FGF1: variants seen among roughly 807,000 people sequenced by gnomAD.
FGF1 encodes beta-endothelial cell growth factor.
Under a neutral mutation model 13.4 loss-of-function variants are expected in FGF1, and 9 were observed. The ratio of observed to expected loss-of-function variants is 0.67; its 90% confidence interval spans 0.40 to 1.17. The LOEUF (loss-of-function observed/expected upper bound fraction) is 1.17, where lower values mean the gene tolerates loss of function less well. Among genes scored for constraint, FGF1 ranks in the 50% most tolerant of loss-of-function variants. The pLI, the probability that FGF1 is intolerant of heterozygous loss-of-function variation, is 0.01. For missense variants in FGF1, 156 were observed against 192.7 expected (o/e 0.81, Z 1.13); for synonymous variants, 93 against 79.0 (o/e 1.18, Z -0.94).
At chr5:142,618,044 T>G (rs1013690842) in intron 1 of FGF1, among the ~76,000 whole-genome samples, 1 of 152,228 alleles carries the variant, frequency 6.6e-6, no homozygotes, top group Non-Finnish European at 1.5e-5. Flanking sequence ...GTTACTATTT[T>G]CTTTTTAGTG....
intron 1 of FGF1, among the ~76,000 whole-genome samples, chr5:142,648,139 A>AT (rs1487103978): frequency 6.6e-6 from 1 of 152,072 alleles, no homozygotes; most frequent in Non-Finnish European, 1.5e-5. Context: ...GGACTTAACG[A>AT]TTTTTTGGAT....
At chr5:142,623,037 T>C (rs912586943) in intron 1 of FGF1, among the ~76,000 whole-genome samples, 4 of 152,254 alleles carry the variant, frequency 2.6e-5, no homozygotes, top group African/African-American at 9.6e-5. Context: ...ACCATTAATA[T>C]CTTGAAATCA....
chr5:142,619,699 GGC>G (rs1761101818), intron 1 of FGF1, among the ~76,000 whole-genome samples: 2 of 152,084 alleles, frequency 1.3e-5, no homozygotes, highest in Non-Finnish European at 1.5e-5. Flanking sequence ...CGGGCATGGT[GGC>G]GCATGCCTGT....
intron 1 of FGF1, among the ~76,000 whole-genome samples, chr5:142,663,726 C>T (rs1354250289): frequency 6.6e-6 from 1 of 152,172 alleles, no homozygotes; most frequent in Non-Finnish European, 1.5e-5. Context: ...TTCGTTCCAC[C>T]TCTCTCGCCC....
intron 1 of FGF1, among the ~76,000 whole-genome samples, chr5:142,671,616 G>A (rs758371787): frequency 3.9e-5 from 6 of 152,172 alleles, no homozygotes; most frequent in Non-Finnish European, 8.8e-5. Context: ...CAAAAAATTA[G>A]GGGAAAGGGA....
At chr5:142,695,871 A>G (rs1215425783) in intron 2 of FGF1, among the ~76,000 whole-genome samples, 1 of 152,218 alleles carries the variant, frequency 6.6e-6, no homozygotes, top group Non-Finnish European at 1.5e-5. Flanking sequence ...TGCCATTCTG[A>G]TTCAGAGAGG....
At chr5:142,634,652 T>G (rs1237484660) in intron 1 of FGF1, among the ~76,000 whole-genome samples, 2 of 152,198 alleles carry the variant, frequency 1.3e-5, no homozygotes, top group Non-Finnish European at 2.9e-5. Flanking sequence ...AATAGTCCAG[T>G]ACGCAGCATA....
chr5:142,614,503 A>C lies in FGF1; in HGVS notation c.-34-342T>G, dbSNP rs371382760. On this transcript the variant is annotated intron_variant, in intron 1 of 3. Transcript: ENST00000337706. ...TCTGGTCCACACACATCCTCAAATTAAACACCAAAGTTGCACTAAAATAAC... is the reference window on the plus strand; with the variant it reads ...TCTGGTCCACACACATCCTCAAATTCAACACCAAAGTTGCACTAAAATAAC... Among the ~76,000 whole-genome samples the C allele has an allele frequency of 3.3e-5, 5 of 152,308 alleles. No individual in the cohort carries two copies. The East Asian group carries it at 5.8e-4, about 18-fold the overall frequency.
chr5:142,611,076 T>C (rs2282797), intron 2 of FGF1, among the ~76,000 whole-genome samples: 36,291 of 152,162 alleles, frequency 0.24, 7,411 homozygotes, highest in African/African-American at 0.56. Flanking sequence ...ACTCTGTCAC[T>C]TCAGTCTCTA....
At chr5:142,662,848 A>C (rs1305469758) in intron 1 of FGF1, among the ~76,000 whole-genome samples, 1 of 152,034 alleles carries the variant, frequency 6.6e-6, no homozygotes, top group Non-Finnish European at 1.5e-5. Context: ...TTTTTGAGAC[A>C]GCATCTCACT....
At chr5:142,614,348 C>T (rs1759747751) in intron 1 of FGF1, among the ~76,000 whole-genome samples, 187 bp from the exon 2 acceptor site, 1 of 152,134 alleles carries the variant, frequency 6.6e-6, no homozygotes, top group African/African-American at 2.4e-5. Flanking sequence ...TGGTCCCAGG[C>T]CTGGGAGGGG....
chr5:142,592,377 A>G lies in FGF1; in HGVS notation c.*2913T>C. 1 of 398,568 alleles carries G rather than the reference A, an allele frequency of 2.5e-6. No individual in the cohort carries two copies. The highest frequency in any genetic ancestry group is 3.6e-5 in the East Asian group (1 of 28,084). The allele number at this position is 398,568 out of a possible 1,614,324, so 24.7% of individuals were successfully genotyped here. On this transcript the variant is annotated 3_prime_UTR_variant, in exon 4 of 4. Transcript: ENST00000337706. The stretch of plus-strand genomic sequence containing the variant: ...CTGACACAAAGCAAGGACCTTCAGT[A>G]CTAGCTGATGCTCCAATCAGTTTTT...
intron 1 of FGF1, among the ~76,000 whole-genome samples, chr5:142,672,513 T>G (rs889063862): frequency 6.6e-6 from 1 of 150,584 alleles, no homozygotes; most frequent in African/African-American, 2.4e-5. Flanking sequence ...TTTTTTTTTT[T>G]TTTTTTTTTG....
chr5:142,634,545 T>C (rs1013614810), intron 1 of FGF1, among the ~76,000 whole-genome samples: 7 of 152,260 alleles, frequency 4.6e-5, no homozygotes, highest in African/African-American at 1.7e-4. Flanking sequence ...TGTGTGACTA[T>C]AGGCCAGTTG....
At chr5:142,674,019 C>T (rs1218852883) in intron 1 of FGF1, among the ~76,000 whole-genome samples, 1 of 152,170 alleles carries the variant, frequency 6.6e-6, no homozygotes, top group Non-Finnish European at 1.5e-5. Flanking sequence ...CCACCACAGG[C>T]CCTCCCACCT....
At chr5:142,674,262 C>T (rs547175254) in intron 1 of FGF1, among the ~76,000 whole-genome samples, 2 of 152,312 alleles carry the variant, frequency 1.3e-5, no homozygotes, top group East Asian at 3.9e-4. Context: ...GTGTGTTATG[C>T]TCTATCTGTC....
rs114947669 is a variant in FGF1 at position 142,655,164 on chromosome 5, G to A, written c.-35+30793C>T. Among the ~76,000 whole-genome samples, 493 of 152,344 alleles carry A rather than the reference G, an allele frequency of 3.2e-3. 3 individuals carry two copies. Among genetic ancestry groups the A allele is most frequent in the African/African-American group, 0.011 (437 of 41,562 alleles). ...GTTGAGAGGATTAACTTGGTTCAAC[G>A]TGGTAATAGCAGCACAGGATAGATT... On this transcript the variant is annotated intron_variant, in intron 1 of 3. Coordinates refer to ENST00000337706, the MANE Select transcript of FGF1 (RefSeq NM_000800.5).
intron 1 of FGF1, among the ~76,000 whole-genome samples, chr5:142,682,491 A>T (rs1360754345): frequency 6.6e-6 from 1 of 152,160 alleles, no homozygotes; most frequent in Non-Finnish European, 1.5e-5. Context: ...TACTCATTTG[A>T]TTCCTTCCAT....
chr5:142,607,041 G>T (rs183615867), intron 2 of FGF1, among the ~76,000 whole-genome samples: 1 of 152,296 alleles, frequency 6.6e-6, no homozygotes, highest in Admixed American at 6.5e-5. Flanking sequence ...ATGTGTTAAA[G>T]CTCCGTTCAT....
Sources: allele counts gnomAD v4.1 joint callset (sites outside exome capture counted in the v4.1 genomes callset), GRCh38; gene constraint gnomAD v4.1.1; transcripts MANE v1.5; gene names NCBI Gene and HGNC (gene_info 2026-07-23, HGNC 2026-07-21).